The following SLC24A3 variants were observed in gnomAD, a reference collection of about 807,000 sequenced individuals.
SLC24A3 encodes the protein solute carrier family 24 member 3.
SLC24A3 carries 28 observed loss-of-function variants against 75.8 expected under a neutral mutation model. The ratio of observed to expected loss-of-function variants is 0.37; its 90% CI spans 0.27 to 0.51. SLC24A3 has a LOEUF of 0.51. Ranked by LOEUF, SLC24A3 falls within the 20% of genes least tolerant of loss-of-function variation. SLC24A3 has a pLI of 0.94. For missense variants in SLC24A3, 663 were observed against 847.8 expected (o/e 0.78, Z 2.71); for synonymous variants, 372 against 334.1 (o/e 1.11, Z -1.24).
intron 2 of SLC24A3, among the ~76,000 whole-genome samples, chr20:19,430,393 A>G (rs554314081): frequency 7.9e-4 from 120 of 152,168 alleles, no homozygotes; most frequent in Non-Finnish European, 1.6e-3. Flanking sequence ...AAAAGAAAGA[A>G]AATAAAGGAA....
intron 8 of SLC24A3, among the ~76,000 whole-genome samples, chr20:19,669,840 A>G (rs990443947): frequency 3.6e-4 from 55 of 152,168 alleles, no homozygotes; most frequent in African/African-American, 1.3e-3. Flanking sequence ...ACATCTGAGA[A>G]GGAACCGTCT....
intron 3 of SLC24A3, among the ~76,000 whole-genome samples, chr20:19,546,032 A>G (rs752914200): frequency 2.6e-5 from 4 of 151,622 alleles, no homozygotes; most frequent in Non-Finnish European, 4.4e-5. Flanking sequence ...GGTGGCGGGC[A>G]CCTGTAGTCC....
At chr20:19,715,669 C>T (rs374621364) in intron 15 of SLC24A3, among the ~76,000 whole-genome samples, 35 of 152,264 alleles carry the variant, frequency 2.3e-4, no homozygotes, top group African/African-American at 7.9e-4. Context: ...ACCTGACACA[C>T]CCACCTATGG....
At position 19,712,285 on chromosome 20, in the gene SLC24A3, A is replaced by G. The variant is rs556895732; in HGVS notation, c.1720-5243A>G. ...ATTTAAACATACAGTATGTGGAGCC[A>G]GGGACTGGAGGGGTGAGGGAATTAG... On this transcript the variant is annotated intron_variant, in intron 15 of 16. Coordinates refer to ENST00000328041, the MANE Select transcript of SLC24A3 (RefSeq NM_020689.4). Among the ~76,000 whole-genome samples the G allele has an allele frequency of 2.0e-5, 3 of 152,082 alleles. No homozygotes were observed. In the South Asian group the frequency reaches 6.3e-4, roughly 32 times the overall value.
intron 3 of SLC24A3, among the ~76,000 whole-genome samples, chr20:19,578,921 T>C (rs576868785): frequency 1.4e-4 from 21 of 152,228 alleles, no homozygotes; most frequent in Non-Finnish European, 2.9e-4. Flanking sequence ...TCCTTCAATA[T>C]GACTGTCAGT....
intron 16 of SLC24A3, among the ~76,000 whole-genome samples, chr20:19,718,758 A>C (rs2033068430): frequency 6.6e-6 from 1 of 152,206 alleles, no homozygotes; most frequent in Admixed American, 6.5e-5. Flanking sequence ...AAACATCTTA[A>C]GTTTGCAATG....
chr20:19,698,893 G>A (rs1250691042), intron 15 of SLC24A3, among the ~76,000 whole-genome samples: 2 of 152,124 alleles, frequency 1.3e-5, no homozygotes, highest in Non-Finnish European at 2.9e-5. Context: ...TTTTTCTGTC[G>A]AGGGGCAAAT....
intron 1 of SLC24A3, among the ~76,000 whole-genome samples, chr20:19,215,532 T>C (rs1293490044): frequency 1.3e-5 from 2 of 152,156 alleles, no homozygotes; most frequent in East Asian, 3.9e-4. Flanking sequence ...AAATGTAACT[T>C]CTCAGAAGCT....
At chr20:19,384,759 T>C (rs1233980290) in intron 2 of SLC24A3, among the ~76,000 whole-genome samples, 2 of 152,246 alleles carry the variant, frequency 1.3e-5, no homozygotes, top group African/African-American at 4.8e-5. Flanking sequence ...ATCATCATAC[T>C]CTTTTCCATA....
At chr20:19,561,153 C>T (rs1380815762) in intron 3 of SLC24A3, among the ~76,000 whole-genome samples, 2 of 152,110 alleles carry the variant, frequency 1.3e-5, no homozygotes, top group East Asian at 1.9e-4. Flanking sequence ...CTTATCATGA[C>T]AAATAATAAG....
chr20:19,591,086 C>T (rs1276433415), intron 6 of SLC24A3, among the ~76,000 whole-genome samples: 1 of 152,130 alleles, frequency 6.6e-6, no homozygotes, highest in East Asian at 1.9e-4. Context: ...CACCTGATCT[C>T]CCCCTGACAG....
At chr20:19,347,675 G>A (rs940677747) in intron 2 of SLC24A3, among the ~76,000 whole-genome samples, 10 of 152,202 alleles carry the variant, frequency 6.6e-5, no homozygotes, top group Admixed American at 3.3e-4. Flanking sequence ...AATGAGTTCT[G>A]TTTGAAAGAC....
At position 19,653,927 on chromosome 20, in the gene SLC24A3, A is replaced by C. The variant is rs960979578; in HGVS notation, c.613-135A>C. On this transcript the variant is annotated intron_variant, in intron 6 of 16. Coordinates refer to ENST00000328041, the MANE Select transcript of SLC24A3 (RefSeq NM_020689.4). ...CCAGACTAATATGCCTAAATACTTG[A>C]ATAAATTCCGATTGATTGGCAGATT... 4 of 607,576 alleles carry C rather than the reference A, an allele frequency of 6.6e-6. No individual in the cohort carries two copies. In the African/African-American group the frequency reaches 7.5e-5, roughly 11 times the overall value. 37.6% of individuals were successfully genotyped at this position (607,576 alleles called of 1,614,324 possible).
At chr20:19,429,665 C>A (rs1274423244) in intron 2 of SLC24A3, among the ~76,000 whole-genome samples, 3 of 152,130 alleles carry the variant, frequency 2.0e-5, no homozygotes, top group African/African-American at 4.8e-5. Context: ...ATCTTCGAAG[C>A]CCTGATGATC....
intron 1 of SLC24A3, among the ~76,000 whole-genome samples, chr20:19,225,418 CA>C (rs1412896664): frequency 6.6e-6 from 1 of 152,156 alleles, no homozygotes; most frequent in Admixed American, 6.5e-5. Flanking sequence ...GGCATGAGAA[CA>C]GGTCAATTCC....
intron 6 of SLC24A3, among the ~76,000 whole-genome samples, chr20:19,647,802 T>C (rs2032157179): frequency 6.6e-6 from 1 of 152,256 alleles, no homozygotes; most frequent in South Asian, 2.1e-4. Flanking sequence ...GATTATTCTA[T>C]GTCTGCACTG....
intron 2 of SLC24A3, among the ~76,000 whole-genome samples, chr20:19,407,033 C>T (rs867562345): frequency 1.4e-5 from 2 of 147,482 alleles, no homozygotes; most frequent in Non-Finnish European, 2.9e-5. Context: ...TCTGACAACA[C>T]GGTGAACCAG....
intron 6 of SLC24A3, among the ~76,000 whole-genome samples, chr20:19,601,456 A>T (rs1014515568): frequency 6.6e-5 from 10 of 152,192 alleles, no homozygotes; most frequent in African/African-American, 2.4e-4. Flanking sequence ...CAACGCACCC[A>T]CAACCTATGT....
chr20:19,389,097 C>T (rs902572912), intron 2 of SLC24A3, among the ~76,000 whole-genome samples: 2 of 152,070 alleles, frequency 1.3e-5, no homozygotes, highest in African/African-American at 4.8e-5. Context: ...CCATTCATTA[C>T]ATACAAAAAC....
Sources: allele counts gnomAD v4.1 joint callset (sites outside exome capture counted in the v4.1 genomes callset), GRCh38; gene constraint gnomAD v4.1.1; transcripts MANE v1.5; gene names NCBI Gene and HGNC (gene_info 2026-07-23, HGNC 2026-07-21).